The following LMX1A variants were observed in gnomAD, a reference collection of about 807,000 sequenced individuals.
LMX1A encodes LIM homeobox transcription factor 1 alpha.
Under a neutral mutation model 49.1 loss-of-function variants are expected in LMX1A, and 15 were observed. The observed-to-expected ratio is 0.31, with a 90% confidence interval of 0.20 to 0.47. The LOEUF (loss-of-function observed/expected upper bound fraction) is 0.47, where lower values mean the gene tolerates loss of function less well. Among genes scored for constraint, LMX1A ranks in the 20% least tolerant of loss-of-function variants. The pLI, the probability that LMX1A is intolerant of heterozygous loss-of-function variation, is 1.00. For missense variants in LMX1A, 372 were observed against 475.8 expected (o/e 0.78, Z 2.03); for synonymous variants, 167 against 185.7 (o/e 0.90, Z 0.82).
intron 3 of LMX1A, among the ~76,000 whole-genome samples, chr1:165,251,020 ATGACCCAATCACACACTAAGGAG>A (rs1653042269): frequency 1.1e-5 from 1 of 87,480 alleles, no homozygotes; most frequent in African/African-American, 3.4e-5. Context: ...AGGTTAAGTC[ATGACCCAATCACACACTAAGGAG>A]CTGGACATCA....
At chr1:165,226,457 C>A (rs1420532528) in intron 4 of LMX1A, among the ~76,000 whole-genome samples, 4 of 152,178 alleles carry the variant, frequency 2.6e-5, no homozygotes, top group Non-Finnish European at 5.9e-5. Flanking sequence ...GCTCAGTGTC[C>A]TAGATCAAGT....
In LMX1A at chr1:165,213,823, G is replaced by A. The variant is rs1651530001; in HGVS notation, c.497-10C>T. 6.2e-7 allele frequency: 1 copy of A among 1,613,360 alleles called. No individual in the cohort carries two copies. The highest frequency in any genetic ancestry group is 8.5e-7 in the Non-Finnish European group (1 of 1,179,780). On this transcript the variant is annotated splice_polypyrimidine_tract_variant and intron_variant, in intron 4 of 8. Transcript: ENST00000342310. ...TCATCATCACTTTTACCTGAAAGAA[G>A]CAAAAGACAATGTTGTGAGTCCCTG... is the stretch of plus-strand genomic sequence containing the variant.
chr1:165,205,979 C>A lies in LMX1A; in HGVS notation c.873G>T (p.Thr291=), dbSNP rs200784612. 70 of 1,606,612 alleles carry A rather than the reference C, an allele frequency of 4.4e-5. No homozygotes were observed. The highest frequency in any genetic ancestry group is 3.2e-4 in the Admixed American group (19 of 58,504). The change falls in exon 8 of 9, where the codon ACG becomes ACT. Residue 291 remains threonine, a synonymous_variant. Coordinates refer to ENST00000342310, the MANE Select transcript of LMX1A (RefSeq NM_177398.4). Reference sequence around the variant, plus strand: ...GGAGCTGCTGTGGGGTGGGCAGAGCCGTGTAGGGGTTCATGATTCCTTCCA... The same window carrying A: ...GGAGCTGCTGTGGGGTGGGCAGAGCAGTGTAGGGGTTCATGATTCCTTCCA... ...AGMEGIMNPY[T]ALPTPQQLLA... is the part of the protein sequence containing the mutation.
intron 3 of LMX1A, among the ~76,000 whole-genome samples, chr1:165,336,394 A>C (rs1415267204): frequency 1.3e-5 from 2 of 152,188 alleles, no homozygotes; most frequent in Non-Finnish European, 2.9e-5. Context: ...TCTTCCCCAG[A>C]AACAGACACA....
At chr1:165,342,739 C>A (rs1432698262) in intron 3 of LMX1A, among the ~76,000 whole-genome samples, 1 of 152,074 alleles carries the variant, frequency 6.6e-6, no homozygotes, top group Non-Finnish European at 1.5e-5. Flanking sequence ...CGGGAGGCTG[C>A]CTGAAAGCTC....
In LMX1A at chr1:165,203,836, G is replaced by A; in HGVS notation, c.*44C>T. On this transcript the variant is annotated 3_prime_UTR_variant, in exon 9 of 9. Coordinates refer to ENST00000342310, the MANE Select transcript of LMX1A (RefSeq NM_177398.4). ...AGCCAGTGACCCCTCAAAGAATATG[G>A]TTGTTCCATATGGGAGCCTAGTCAC... 6.2e-7 allele frequency: 1 copy of A among 1,600,682 alleles called. No individual in the cohort carries two copies. Among genetic ancestry groups the A allele is most frequent in the Non-Finnish European group, 8.6e-7 (1 of 1,168,682 alleles).
Position 165,353,281 on chromosome 1 carries a change from T to C in LMX1A, c.77-19A>G. The C allele has an allele frequency of 6.2e-7, 1 of 1,604,794 alleles. No individual in the cohort carries two copies. The highest frequency in any genetic ancestry group is 8.5e-7 in the Non-Finnish European group (1 of 1,177,622). On this transcript the variant is annotated intron_variant, in intron 2 of 8. Transcript: ENST00000342310. Reference sequence around the variant, plus strand: ...GCTCTGCCTGTAGCCACAACAGACGTTGGCGGGTGAGCAGCCCGGGCAGGT... The same window carrying C: ...GCTCTGCCTGTAGCCACAACAGACGCTGGCGGGTGAGCAGCCCGGGCAGGT...
chr1:165,227,468 G>A (rs1652074847), intron 4 of LMX1A, among the ~76,000 whole-genome samples: 2 of 152,172 alleles, frequency 1.3e-5, no homozygotes, highest in African/African-American at 4.8e-5. Context: ...CTGAACCCAG[G>A]AAGTGGAGGC....
At chr1:165,264,646 C>T (rs1653557898) in intron 3 of LMX1A, among the ~76,000 whole-genome samples, 1 of 152,104 alleles carries the variant, frequency 6.6e-6, no homozygotes, top group Non-Finnish European at 1.5e-5. Context: ...TAAGGTGAAA[C>T]TAAAGGGAAT....
At chr1:165,333,829 T>C (rs1054281661) in intron 3 of LMX1A, among the ~76,000 whole-genome samples, 3 of 152,152 alleles carry the variant, frequency 2.0e-5, no homozygotes, top group Non-Finnish European at 2.9e-5. Flanking sequence ...TTCCTCATTC[T>C]AAAAAGAAGC....
chr1:165,269,213 G>T (rs1653714384), intron 3 of LMX1A, among the ~76,000 whole-genome samples: 1 of 152,250 alleles, frequency 6.6e-6, no homozygotes, highest in African/African-American at 2.4e-5. Flanking sequence ...TCCCAGTGCA[G>T]AGAGCAGGGC....
chr1:165,206,805 C>T (rs1308888801), intron 7 of LMX1A, among the ~76,000 whole-genome samples: 2 of 152,174 alleles, frequency 1.3e-5, no homozygotes, highest in Non-Finnish European at 2.9e-5. Context: ...CTTCCTGCTC[C>T]ACCCTTCCCC....
At chr1:165,208,373 T>C (rs1399284919) in intron 6 of LMX1A, among the ~76,000 whole-genome samples, 3 of 152,212 alleles carry the variant, frequency 2.0e-5, no homozygotes, top group Non-Finnish European at 4.4e-5. Context: ...CAGCTTGTCT[T>C]AGCAGGAATA....
chr1:165,335,059 T>C (rs187938018), intron 3 of LMX1A, among the ~76,000 whole-genome samples: 1 of 152,354 alleles, frequency 6.6e-6, no homozygotes, highest in East Asian at 1.9e-4. Flanking sequence ...TGTTCAAATT[T>C]GAAAGAAAAT....
chr1:165,251,977 C>T (rs562931541), intron 3 of LMX1A, among the ~76,000 whole-genome samples: 25 of 152,084 alleles, frequency 1.6e-4, no homozygotes, highest in Non-Finnish European at 3.4e-4. Flanking sequence ...TTTAGCCCGC[C>T]CCTTCATATT....
intron 3 of LMX1A, among the ~76,000 whole-genome samples, chr1:165,252,457 C>A (rs1179126273): frequency 6.6e-6 from 1 of 152,106 alleles, no homozygotes; most frequent in East Asian, 1.9e-4. Flanking sequence ...TTGCATTTGT[C>A]ACAACTTTGG....
chr1:165,259,827 A>C (rs1289368914), intron 3 of LMX1A, among the ~76,000 whole-genome samples: 2 of 152,226 alleles, frequency 1.3e-5, no homozygotes, highest in Non-Finnish European at 2.9e-5. Context: ...GAACAACTAA[A>C]TGAGTAGACA....
chr1:165,299,625 C>T (rs1654716208), intron 3 of LMX1A, among the ~76,000 whole-genome samples: 1 of 152,108 alleles, frequency 6.6e-6, no homozygotes, highest in African/African-American at 2.4e-5. Flanking sequence ...ATGCCTTAAA[C>T]CCAGTTTATA....
chr1:165,287,579 C>A (rs765428595), intron 3 of LMX1A, among the ~76,000 whole-genome samples: 1 of 152,116 alleles, frequency 6.6e-6, no homozygotes, highest in Non-Finnish European at 1.5e-5. Flanking sequence ...CTGCCCAGGT[C>A]TCCCAGCCCA....
Sources: allele counts gnomAD v4.1 joint callset (sites outside exome capture counted in the v4.1 genomes callset), GRCh38; gene constraint gnomAD v4.1.1; transcripts MANE v1.5; gene names NCBI Gene and HGNC (gene_info 2026-07-23, HGNC 2026-07-21).